The following FHIP2A variants were observed in gnomAD, a reference collection of about 807,000 sequenced individuals.
FHIP2A encodes FHF complex subunit HOOK interacting protein 2A.
FHIP2A carries 46 observed loss-of-function variants against 93.5 expected under a neutral mutation model. The ratio of observed to expected loss-of-function variants is 0.49; its 90% CI spans 0.39 to 0.63. FHIP2A has a LOEUF of 0.63. Among genes scored for constraint, FHIP2A ranks in the 20% least tolerant of loss-of-function variants. The pLI is 0.00. For missense variants in FHIP2A, 769 were observed against 909.7 expected (o/e 0.85, Z 1.99); for synonymous variants, 332 against 326.5 (o/e 1.02, Z -0.18).
chr10:114,894,845 G>A (rs954300283), intron 16 of FHIP2A, among the ~76,000 whole-genome samples: 2 of 152,164 alleles, frequency 1.3e-5, no homozygotes, highest in Non-Finnish European at 1.5e-5. Flanking sequence ...AAAAACAAAT[G>A]TTAATTTCTT....
At chr10:114,896,700 C>G (rs2084003066) in intron 16 of FHIP2A, among the ~76,000 whole-genome samples, 1 of 152,226 alleles carries the variant, frequency 6.6e-6, no homozygotes, top group African/African-American at 2.4e-5. Flanking sequence ...GTACTTCTTA[C>G]ACATATTGAT....
chr10:114,875,376 A>C lies in FHIP2A; in HGVS notation c.2192+14042A>C, dbSNP rs1177661161. On this transcript the variant is annotated intron_variant, in intron 16 of 16. Transcript: ENST00000369250. ...AAGAAAGGGGAAGTGAAGAAAGAAG[A>C]AGCAAGGATGGTGGAGAAGTAAGAA... 3.9e-5 allele frequency among the ~76,000 whole-genome samples: 6 copies of C among 152,210 alleles called. No individual in the cohort carries two copies. In the East Asian group the frequency reaches 1.2e-3, roughly 29 times the overall value.
intron 16 of FHIP2A, among the ~76,000 whole-genome samples, chr10:114,891,094 T>G (rs1172554238): frequency 6.6e-6 from 1 of 151,340 alleles, no homozygotes; most frequent in Non-Finnish European, 1.5e-5. Flanking sequence ...CTGGGGAGGC[T>G]GAGGTGGGAA....
chr10:114,883,210 A>G (rs74158086), intron 16 of FHIP2A, among the ~76,000 whole-genome samples: 9,326 of 152,228 alleles, frequency 0.061, 479 homozygotes, highest in Admixed American at 0.13. Flanking sequence ...GCAGGACCTT[A>G]TATCACACTC....
intron 1 of FHIP2A, among the ~76,000 whole-genome samples, chr10:114,826,856 C>G (rs2083579736): frequency 6.6e-6 from 1 of 152,088 alleles, no homozygotes; most frequent in African/African-American, 2.4e-5. Context: ...TAGCCAGATG[C>G]GGTAGCATGC....
At chr10:114,886,353 C>T (rs151184108) in intron 16 of FHIP2A, among the ~76,000 whole-genome samples, 46 of 151,386 alleles carry the variant, frequency 3.0e-4, no homozygotes, top group African/African-American at 9.5e-4. Flanking sequence ...TGTTGGGTAA[C>T]TATTTATTTG....
intron 1 of FHIP2A, 110 bp from the exon 2 acceptor site, chr10:114,830,742 C>T: frequency 1.8e-6 from 1 of 563,456 alleles, no homozygotes; most frequent in Non-Finnish European, 3.0e-6. Context: ...ACAAAGTTCA[C>T]CCCTTATTTT....
At chr10:114,825,824 G>A (rs142054028) in intron 1 of FHIP2A, among the ~76,000 whole-genome samples, 1 of 152,236 alleles carries the variant, frequency 6.6e-6, no homozygotes, top group Non-Finnish European at 1.5e-5. Context: ...AATGTGCCAA[G>A]GGCATGTTCC....
At chr10:114,837,451 G>A (rs1566367922) in intron 5 of FHIP2A, among the ~76,000 whole-genome samples, 1 of 152,182 alleles carries the variant, frequency 6.6e-6, no homozygotes, top group Non-Finnish European at 1.5e-5. Context: ...GGAGGTGGAG[G>A]TTGCAGTGAG....
intron 16 of FHIP2A, among the ~76,000 whole-genome samples, chr10:114,892,162 G>A (rs1439673212): frequency 6.6e-6 from 1 of 152,122 alleles, no homozygotes; most frequent in African/African-American, 2.4e-5. Context: ...GTATTTCATA[G>A]GGTGAAGAAA....
chr10:114,830,848 G>A lies in FHIP2A; in HGVS notation c.46-4G>A. 1.9e-6 allele frequency: 3 copies of A among 1,600,176 alleles called. No individual in the cohort carries two copies. The highest frequency in any genetic ancestry group is 2.6e-6 in the Non-Finnish European group (3 of 1,172,586). On this transcript the variant is annotated splice_region_variant and splice_polypyrimidine_tract_variant and intron_variant, in intron 1 of 16. Coordinates refer to ENST00000369248, the MANE Select transcript of FHIP2A (RefSeq NM_020940.4). The stretch of plus-strand genomic sequence containing the variant: ...TTAATTGTTGTGGTCTTTTGTTTGT[G>A]TAGCTTGCACCTTCTCTTCCTTTAC...
chr10:114,879,512 G>GA (rs1430062734), intron 16 of FHIP2A, among the ~76,000 whole-genome samples: 7 of 152,062 alleles, frequency 4.6e-5, no homozygotes, highest in African/African-American at 9.7e-5. Context: ...AATGATGCAG[G>GA]AAAAAAATGT....
chr10:114,829,483 A>G (rs2083595817), intron 1 of FHIP2A, among the ~76,000 whole-genome samples: 4 of 152,356 alleles, frequency 2.6e-5, no homozygotes, highest in African/African-American at 4.8e-5. Context: ...ATGCATTACA[A>G]TTAGTGTATA....
intron 16 of FHIP2A, among the ~76,000 whole-genome samples, chr10:114,890,088 C>A (rs1198221064): frequency 6.6e-6 from 1 of 152,078 alleles, no homozygotes; most frequent in East Asian, 1.9e-4. Context: ...CGTGCAGTGG[C>A]ATGATCTCAA....
chr10:114,847,228 A>C lies in FHIP2A; in HGVS notation c.1707A>C (p.Val569=), dbSNP rs1277275134. The C allele has an allele frequency of 1.2e-6, 2 of 1,605,880 alleles. No individual in the cohort carries two copies. Among genetic ancestry groups the C allele is most frequent in the Admixed American group, 1.7e-5 (1 of 57,760 alleles). The change falls in exon 12 of 17, where the codon GTA becomes GTC. Residue 569 remains valine, a synonymous_variant. Transcript: ENST00000369248. ...GAAAAACTGAAGTTCATAAAATTGT[A>C]AATAGGTGAGTTGCTATATAAAATT... ...NDGKTEVHKI[V]NSFLCLVPDD...
At chr10:114,836,087 C>A in intron 4 of FHIP2A, 37 bp from the exon 5 acceptor site, 6 of 1,495,782 alleles carry the variant, frequency 4.0e-6, no homozygotes, top group East Asian at 2.3e-5. Context: ...TAAAAAGTAG[C>A]CTAAGTTTAA....
At chr10:114,833,203 A>C (rs1299450254) in intron 2 of FHIP2A, 30 bp from the exon 3 acceptor site, 2 of 1,560,670 alleles carry the variant, frequency 1.3e-6, no homozygotes, top group South Asian at 2.3e-5. Flanking sequence ...AAAATGTTTA[A>C]ATATTTGATG....
chr10:114,848,568 G>A, intron 12 of FHIP2A, 79 bp from the exon 13 acceptor site: 3 of 774,854 alleles, frequency 3.9e-6, no homozygotes, highest in Admixed American at 2.3e-5. Context: ...ATTGATTATG[G>A]TCTTTTTCAC....
chr10:114,824,458 T>C (rs1294938873), intron 1 of FHIP2A, among the ~76,000 whole-genome samples: 2 of 152,246 alleles, frequency 1.3e-5, no homozygotes, highest in Non-Finnish European at 2.9e-5. Context: ...AGTCCTGAAA[T>C]TAATGCATTG....
Sources: allele counts gnomAD v4.1 joint callset (sites outside exome capture counted in the v4.1 genomes callset), GRCh38; gene constraint gnomAD v4.1.1; transcripts MANE v1.5; gene names NCBI Gene and HGNC (gene_info 2026-07-23, HGNC 2026-07-21).